FAM13B: variants seen among roughly 807,000 people sequenced by gnomAD.
FAM13B encodes protein FAM13B.
A neutral mutation model predicts 117.3 loss-of-function variants in FAM13B; 60 were observed. The ratio of observed to expected loss-of-function variants is 0.51; its 90% CI spans 0.42 to 0.63. The LOEUF (loss-of-function observed/expected upper bound fraction) is 0.63, where lower values mean the gene tolerates loss of function less well. Among genes scored for constraint, FAM13B ranks in the 30% least tolerant of loss-of-function variants. FAM13B has a pLI of 0.00. For missense variants in FAM13B, 972 were observed against 1,091.9 expected, an observed-to-expected ratio of 0.89 and a Z score of 1.55; for synonymous variants, 332 against 356.1, an observed-to-expected ratio of 0.93 and a Z score of 0.76.
chr5:138,019,512 G>A (rs1363728237), intron 2 of FAM13B, among the ~76,000 whole-genome samples: 4 of 152,112 alleles, frequency 2.6e-5, no homozygotes, highest in South Asian at 2.1e-4. Flanking sequence ...ATCCAAACCC[G>A]TTCTGGACTG....
chr5:138,033,062 A>AGCGGGAGGAGAGCGGCTGGCGG lies in FAM13B; in HGVS notation c.-484_-483insCCGCCAGCCGCTCTCCTCCCGC, dbSNP rs1389199309. ...GAGGTGCAGAGCCTCCCTAACGGCG[A>AGCGGGAGGAGAGCGGCTGGCGG]GCGGGAGGAGAGCGGCTGGCGGGCG... On this transcript the variant is annotated 5_prime_UTR_variant, in exon 1 of 24. Coordinates refer to ENST00000689681, the MANE Select transcript of FAM13B (RefSeq NM_001385994.1). 6.1e-5 allele frequency: 60 copies of AGCGGGAGGAGAGCGGCTGGCGG among 977,580 alleles called. No homozygotes were observed. In the East Asian group the frequency reaches 5.6e-3, roughly 92 times the overall value. 60.6% of individuals were successfully genotyped at this position (977,580 alleles called of 1,614,324 possible).
intron 7 of FAM13B, among the ~76,000 whole-genome samples, chr5:137,993,553 G>A (rs1241724895): frequency 6.6e-6 from 1 of 151,874 alleles, no homozygotes; most frequent in East Asian, 1.9e-4. Flanking sequence ...GGCTGAGGCG[G>A]GCAGATCACT....
At chr5:137,985,461 A>C in intron 9 of FAM13B, 72 bp from the exon 10 acceptor site, 1 of 1,401,128 alleles carries the variant, frequency 7.1e-7, no homozygotes, top group Non-Finnish European at 9.8e-7. Context: ...AAAATAAGTA[A>C]ATATCAATAA....
At chr5:137,976,196 C>T (rs1178864957) in intron 10 of FAM13B, among the ~76,000 whole-genome samples, 1 of 151,938 alleles carries the variant, frequency 6.6e-6, no homozygotes, top group Non-Finnish European at 1.5e-5. Flanking sequence ...ACTTCGTGAT[C>T]CACCCACCTC....
At chr5:138,010,086 T>C (rs1446285418) in intron 6 of FAM13B, among the ~76,000 whole-genome samples, 1 of 152,054 alleles carries the variant, frequency 6.6e-6, no homozygotes, top group Non-Finnish European at 1.5e-5. Flanking sequence ...GTTCAAGCAA[T>C]TCTCCTGCCT....
At chr5:137,945,873 AC>A (rs746782941) in intron 20 of FAM13B, 28 bp downstream of exon 20, 1 of 1,521,010 alleles carries the variant, frequency 6.6e-7, no homozygotes, top group Admixed American at 1.8e-5. Context: ...GATAAAATGA[AC>A]CAGAGAATTA....
chr5:137,949,668 C>T (rs560717440), intron 17 of FAM13B, among the ~76,000 whole-genome samples: 1 of 152,178 alleles, frequency 6.6e-6, no homozygotes, highest in Admixed American at 6.5e-5. Context: ...TACCTGGTGG[C>T]ACACACCTGT....
rs565709555 is a variant in FAM13B, at chr5:138,050,293, C to A, written c.-203+1585G>T. ...TCCCTACTAAAAATAAAAAATTGGC[C>A]AGGCGTGGTGATGCACGCCTGTAAT... On this transcript the variant is annotated intron_variant, in intron 1 of 3. Coordinates refer to the FAM13B transcript ENST00000502471. Among the ~76,000 whole-genome samples the A allele has an allele frequency of 6.6e-5, 10 of 152,114 alleles. No individual in the cohort carries two copies. In the East Asian group the frequency reaches 1.9e-3, roughly 29 times the overall value.
At chr5:137,948,606 G>C (rs1764074292) in intron 18 of FAM13B, among the ~76,000 whole-genome samples, 1 of 152,044 alleles carries the variant, frequency 6.6e-6, no homozygotes, top group African/African-American at 2.4e-5. Context: ...TGTTGCTCAG[G>C]CTGGTCTCGA....
chr5:137,954,163 T>A lies in FAM13B; in HGVS notation c.1718+3A>T, dbSNP rs1453082034. 1 of 1,609,756 alleles carries A rather than the reference T, an allele frequency of 6.2e-7. No homozygotes were observed. On this transcript the variant is annotated splice_donor_region_variant and intron_variant, in intron 15 of 23. Coordinates refer to ENST00000689681, the MANE Select transcript of FAM13B (RefSeq NM_001385994.1). ...CTCTTGTAAGTACATAAAAATCATA[T>A]ACCTAGTAAAAGACAGTGCTTTAGA... is the stretch of plus-strand genomic sequence containing the variant.
chr5:137,954,300 T>G lies in FAM13B; in HGVS notation c.1584A>C (p.Arg528Ser). The G allele has an allele frequency of 1.2e-6, 2 of 1,614,082 alleles. No individual in the cohort carries two copies. The highest frequency in any genetic ancestry group is 1.7e-6 in the Non-Finnish European group (2 of 1,180,010). The change falls in exon 15 of 24, where the codon AGA becomes AGC. Residue 528 changes from arginine (R) to serine (S), a missense_variant. Transcript: ENST00000689681. ...GEAQLSPQAG[R>S]MNHHPLEEDC... ...CCTCTTCCAAGGGGTGATGATTCAT[T>G]CTTCCAGCTTGTGGAGACAGCTGAG...
At chr5:138,034,608 G>A (rs1195713866), upstream of FAM13B, among the ~76,000 whole-genome samples, 1 of 152,124 alleles carries the variant, frequency 6.6e-6, no homozygotes, top group East Asian at 1.9e-4. Context: ...TGTTTTATCC[G>A]AATTAATTTC....
At chr5:137,989,577 C>A (rs999243051) in intron 7 of FAM13B, among the ~76,000 whole-genome samples, 2 of 152,156 alleles carry the variant, frequency 1.3e-5, no homozygotes, top group Non-Finnish European at 2.9e-5. Context: ...GTAATCCCAG[C>A]ACTTTGGGAG....
At chr5:137,999,865 T>A (rs1473040308) in intron 7 of FAM13B, among the ~76,000 whole-genome samples, 1 of 151,986 alleles carries the variant, frequency 6.6e-6, no homozygotes, top group Non-Finnish European at 1.5e-5. Context: ...AGGGTTCCAG[T>A]CTAACTCATG....
At chr5:138,040,262 CAAAAAAAAAAAAAAA>C (rs3032825) in intron 1 of FAM13B, among the ~76,000 whole-genome samples, 2 of 25,224 alleles carry the variant, frequency 7.9e-5, no homozygotes, top group African/African-American at 1.5e-4. Context: ...GACTCTGTCT[CAAAAAAAAAAAAAAA>C]AAAAAAAAAA....
rs143019333 is a variant in FAM13B at position 137,992,723 on chromosome 5, A to T, written c.849-4408T>A. The stretch of plus-strand genomic sequence containing the variant: ...GACAATGAAATACTGTTATATGCTC[A>T]CAAGATTAGTTAATGCCAAGTGTTG... On this transcript the variant is annotated intron_variant, in intron 7 of 23. Coordinates refer to ENST00000689681, the MANE Select transcript of FAM13B (RefSeq NM_001385994.1). Among the ~76,000 whole-genome samples the T allele has an allele frequency of 9.7e-4, 148 of 152,360 alleles. 1 individual carries two copies. Among genetic ancestry groups the T allele is most frequent in the Non-Finnish European group, 1.7e-3 (114 of 68,030 alleles).
intron 10 of FAM13B, among the ~76,000 whole-genome samples, chr5:137,974,616 A>G: frequency 6.7e-6 from 1 of 148,422 alleles, no homozygotes; most frequent in East Asian, 2.2e-4. Flanking sequence ...TAATAATAAT[A>G]AATAAAAAAA....
rs778721873 is a variant in FAM13B at position 137,949,091 on chromosome 5, T to G, written c.2024A>C (p.His675Pro). The G allele has an allele frequency of 6.2e-7, 1 of 1,613,990 alleles. No homozygotes were observed. Among genetic ancestry groups the G allele is most frequent in the Non-Finnish European group, 8.5e-7 (1 of 1,179,994 alleles). The change falls in exon 18 of 24, where the codon CAT becomes CCT. Residue 675 changes from histidine (H) to proline (P), a missense_variant. His to Pro is a moderately conservative substitution (Grantham distance 77). Transcript: ENST00000689681. ...TTCATCTTCATTCTCTTCATCTTCA[T>G]GGTCTAGAGAAGAGCCAAAGCTTTT... ...LPKSFGSSLD[H>P]EDEENEDEPK...
At chr5:137,984,165 C>T (rs985760864) in intron 10 of FAM13B, among the ~76,000 whole-genome samples, 1 of 152,156 alleles carries the variant, frequency 6.6e-6, no homozygotes, top group Non-Finnish European at 1.5e-5. Flanking sequence ...AGGTTCAGAA[C>T]ATGCCACACC....
Sources: allele counts gnomAD v4.1 joint callset (sites outside exome capture counted in the v4.1 genomes callset), GRCh38; gene constraint gnomAD v4.1.1; transcripts MANE v1.5; gene names NCBI Gene and HGNC (gene_info 2026-07-23, HGNC 2026-07-21).